The following OSBPL3 variants were observed in gnomAD, a reference collection of about 807,000 sequenced individuals.
OSBPL3 encodes the protein oxysterol binding protein like 3, also known as oxysterol-binding protein-related protein 3.
A neutral mutation model predicts 120.1 loss-of-function variants in OSBPL3; 65 were observed. The observed-to-expected ratio is 0.54, with a 90% CI of 0.44 to 0.67. The LOEUF (loss-of-function observed/expected upper bound fraction) is 0.67. Among genes scored for constraint, OSBPL3 ranks in the 30% least tolerant of loss-of-function variants. OSBPL3 has a pLI of 0.00. For synonymous variants in OSBPL3, 416 were observed against 402.6 expected (o/e 1.03, Z -0.40); for missense variants, 1,004 against 1,082.1 (o/e 0.93, Z 1.01).
At chr7:24,892,681 C>A (rs1805545748) in intron 1 of OSBPL3, 60 bp from the exon 2 acceptor site, 1 of 1,240,484 alleles carries the variant, frequency 8.1e-7, no homozygotes, top group Non-Finnish European at 1.0e-6. Context: ...TAATTTGCCA[C>A]AAATTGTCTG....
chr7:24,964,616 T>C lies in OSBPL3; in HGVS notation c.-150+15270A>G, dbSNP rs1314721236. ...AGGAGACATGGCAACCAAGATAATG[T>C]AGAACCCCACATGGAGTCCTGGAAC... On this transcript the variant is annotated intron_variant, in intron 1 of 22. Coordinates refer to ENST00000313367, the MANE Select transcript of OSBPL3 (RefSeq NM_015550.4). The surrounding 1 kb of genome is among the most constrained non-coding windows in gnomAD (Gnocchi z 4.2). Among the ~76,000 whole-genome samples, 1 of 152,170 alleles carries C rather than the reference T, an allele frequency of 6.6e-6. No individual in the cohort carries two copies. Among genetic ancestry groups the C allele is most frequent in the Non-Finnish European group, 1.5e-5 (1 of 68,034 alleles).
At chr7:24,944,170 C>T (rs1584696368) in intron 1 of OSBPL3, among the ~76,000 whole-genome samples, 1 of 151,506 alleles carries the variant, frequency 6.6e-6, no homozygotes, top group East Asian at 1.9e-4. Context: ...TTACTGGATT[C>T]TTCATATTCT....
chr7:24,980,095 A>C lies in OSBPL3; in HGVS notation c.-359T>G. 1.0e-6 allele frequency: 1 copy of C among 974,862 alleles called. No homozygotes were observed. Among genetic ancestry groups the C allele is most frequent in the Non-Finnish European group, 1.2e-6 (1 of 820,582 alleles). 60.4% of individuals were successfully genotyped at this position (974,862 alleles called of 1,614,324 possible). ...GGAGCCGCGCTGCGCACCGGCCGCG[A>C]AGCGCTCAAGTCCCCTCTCCCGGGC... On this transcript the variant is annotated 5_prime_UTR_variant, in exon 1 of 23. Transcript: ENST00000313367.
intron 2 of OSBPL3, among the ~76,000 whole-genome samples, chr7:24,887,599 G>A (rs535090315): frequency 4.1e-4 from 63 of 152,304 alleles, no homozygotes; most frequent in South Asian, 1.2e-3. Flanking sequence ...ATGGAGAACT[G>A]AGACAACCTA....
intron 2 of OSBPL3, among the ~76,000 whole-genome samples, chr7:24,884,084 G>T (rs55757165): frequency 2.2e-5 from 2 of 92,256 alleles, no homozygotes; most frequent in Non-Finnish European, 4.0e-5. Flanking sequence ...AACAACAACA[G>T]CAACAACAAA....
intron 1 of OSBPL3, among the ~76,000 whole-genome samples, chr7:24,944,570 C>T (rs1220708197): frequency 6.7e-6 from 1 of 150,032 alleles, no homozygotes; most frequent in East Asian, 2.0e-4. Context: ...GCGGAGGTTG[C>T]AGTGAGCTGA....
intron 2 of OSBPL3, among the ~76,000 whole-genome samples, chr7:24,876,626 C>A (rs1056464923): frequency 1.3e-5 from 2 of 152,264 alleles, no homozygotes; most frequent in Admixed American, 1.3e-4. Context: ...AAGTAAATGG[C>A]ACTGAGTAGC....
intron 12 of OSBPL3, among the ~76,000 whole-genome samples, chr7:24,846,192 C>T (rs1798427282): frequency 6.6e-6 from 1 of 152,102 alleles, no homozygotes; most frequent in Non-Finnish European, 1.5e-5. Flanking sequence ...ACTGCTGGAG[C>T]TTGAATGAGT....
chr7:24,811,194 T>C (rs1467193566), intron 19 of OSBPL3, among the ~76,000 whole-genome samples: 1 of 152,218 alleles, frequency 6.6e-6, no homozygotes, highest in Admixed American at 6.5e-5. Flanking sequence ...TTATTTTTCA[T>C]CTTTTTGATA....
rs1023727199 is a variant in OSBPL3 at position 24,965,767 on chromosome 7, T to C, written c.-150+14119A>G. ...AGTCTCAGTATTCTAACCAGGCTGGTTTTGAACTCCTAACCTCAAGCAATC... is the reference window on the plus strand; with the variant it reads ...AGTCTCAGTATTCTAACCAGGCTGGCTTTGAACTCCTAACCTCAAGCAATC... On this transcript the variant is annotated intron_variant, in intron 1 of 22. Transcript: ENST00000313367. The surrounding 1 kb of genome is among the most constrained non-coding windows in gnomAD (Gnocchi z 4.3). 3.9e-5 allele frequency among the ~76,000 whole-genome samples: 6 copies of C among 152,120 alleles called. No homozygotes were observed. The highest frequency in any genetic ancestry group is 1.4e-4 in the African/African-American group (6 of 41,408).
At chr7:24,838,078 G>A (rs1330293354) in intron 14 of OSBPL3, among the ~76,000 whole-genome samples, 1 of 152,162 alleles carries the variant, frequency 6.6e-6, no homozygotes, top group Non-Finnish European at 1.5e-5. Context: ...GTAGAGTATT[G>A]ATGCTTAGAA....
intron 16 of OSBPL3, among the ~76,000 whole-genome samples, chr7:24,829,545 A>G (rs1246758965): frequency 6.6e-6 from 1 of 152,192 alleles, no homozygotes; most frequent in East Asian, 1.9e-4. Context: ...TAAAGAGAGC[A>G]GCAAGATAAA....
chr7:24,968,304 T>C lies in OSBPL3; in HGVS notation c.-150+11582A>G, dbSNP rs1816613817. 6.6e-6 allele frequency among the ~76,000 whole-genome samples: 1 copy of C among 152,236 alleles called. No homozygotes were observed. The highest frequency in any genetic ancestry group is 2.4e-5 in the African/African-American group (1 of 41,466). ...TGTAAATACTCCCACTGTGGCTGGC[T>C]TCAAACTACCAACATGAAGTAATCA... is the stretch of plus-strand genomic sequence containing the variant. On this transcript the variant is annotated intron_variant, in intron 1 of 22. Coordinates refer to ENST00000313367, the MANE Select transcript of OSBPL3 (RefSeq NM_015550.4). This position sits in a 1 kb window ranked among gnomAD's most constrained non-coding sequence, Gnocchi z 4.6.
rs969363615 is a variant in OSBPL3 at position 24,877,071 on chromosome 7, C to A, written c.97-5002G>T. On this transcript the variant is annotated intron_variant, in intron 2 of 22. Coordinates refer to ENST00000313367, the MANE Select transcript of OSBPL3 (RefSeq NM_015550.4). This position sits in a 1 kb window ranked among gnomAD's most constrained non-coding sequence, Gnocchi z 4.8. ...GAATTAGATAACTTCCCTGATGTTACAAAACCAAGTGACGAAGCCACCTGA... is the reference window on the plus strand; with the variant it reads ...GAATTAGATAACTTCCCTGATGTTAAAAAACCAAGTGACGAAGCCACCTGA... 6.6e-6 allele frequency among the ~76,000 whole-genome samples: 1 copy of A among 152,144 alleles called. No individual in the cohort carries two copies. Among genetic ancestry groups the A allele is most frequent in the Non-Finnish European group, 1.5e-5 (1 of 68,014 alleles).
rs962965647 is a variant in OSBPL3, at chr7:24,873,003, A to G, written c.97-934T>C. 2.6e-5 allele frequency among the ~76,000 whole-genome samples: 4 copies of G among 152,224 alleles called. No homozygotes were observed. Among genetic ancestry groups the G allele is most frequent in the Non-Finnish European group, 5.9e-5 (4 of 68,034 alleles). On this transcript the variant is annotated intron_variant, in intron 2 of 22. Coordinates refer to ENST00000313367, the MANE Select transcript of OSBPL3 (RefSeq NM_015550.4). This position sits in a 1 kb window ranked among gnomAD's most constrained non-coding sequence, Gnocchi z 4.1. ...CATGAAATGCATGAATCTTAAGAGT[A>G]TGCCTTGATAAAAATGATAAATTTT...
Position 24,816,692 on chromosome 7 carries a change from A to G in OSBPL3, c.1949-4T>C. 1 of 1,583,436 alleles carries G rather than the reference A, an allele frequency of 6.3e-7. No individual in the cohort carries two copies. Among genetic ancestry groups the G allele is most frequent in the South Asian group, 1.1e-5 (1 of 90,392 alleles). ...AATTTGTTTTTCCATCTCACATCTGAAATGAAATACCAAATATTACATTTT... is the reference window on the plus strand; with the variant it reads ...AATTTGTTTTTCCATCTCACATCTGGAATGAAATACCAAATATTACATTTT... On this transcript the variant is annotated splice_polypyrimidine_tract_variant and splice_region_variant and intron_variant, in intron 17 of 22. Transcript: ENST00000313367.
At chr7:24,951,668 G>A (rs1229468100) in intron 1 of OSBPL3, among the ~76,000 whole-genome samples, 1 of 152,080 alleles carries the variant, frequency 6.6e-6, no homozygotes, top group Non-Finnish European at 1.5e-5. Flanking sequence ...CGTAAGCTTT[G>A]AGCTTAAAAC....
At chr7:24,837,454 T>C (rs772485719) in intron 14 of OSBPL3, among the ~76,000 whole-genome samples, 18 of 152,184 alleles carry the variant, frequency 1.2e-4, no homozygotes, top group Non-Finnish European at 1.5e-5. Context: ...TCCTCCTGCC[T>C]CAGCCTCCCA....
At chr7:24,975,314 T>G (rs913391131) in intron 1 of OSBPL3, among the ~76,000 whole-genome samples, 1 of 152,228 alleles carries the variant, frequency 6.6e-6, no homozygotes, top group Non-Finnish European at 1.5e-5. Flanking sequence ...GTGCTTTTCA[T>G]GGACTTAACA....
Sources: gnomAD v4.1 joint callset for allele counts (sites outside exome capture counted in the v4.1 genomes callset) on GRCh38, gnomAD v4.1.1 for gene constraint, Gnocchi (gnomAD v3.1) non-coding constraint, MANE v1.5 for transcripts, NCBI Gene and HGNC (gene_info 2026-07-23, HGNC 2026-07-21) for gene names.